The following FHOD3 variants were observed in gnomAD, a reference collection of about 807,000 sequenced individuals.
FHOD3 encodes the protein formin homology 2 domain containing 3, also known as FH1/FH2 domain-containing protein 3.
FHOD3 carries 90 observed loss-of-function variants against 173.0 expected under a neutral mutation model. That is an observed-to-expected ratio of 0.52 (90% CI 0.44 to 0.62). The LOEUF (loss-of-function observed/expected upper bound fraction) is 0.62. Ranked by LOEUF, FHOD3 falls within the 20% of genes least tolerant of loss-of-function variation. FHOD3 has a pLI of 0.00. For synonymous variants in FHOD3, 828 were observed against 823.0 expected, an observed-to-expected ratio of 1.01 and a Z score of -0.10; for missense variants, 1,945 against 2,034.7, an observed-to-expected ratio of 0.96 and a Z score of 0.85.
At chr18:36,618,312 T>TTG (rs2033406594) in intron 9 of FHOD3, among the ~76,000 whole-genome samples, 1 of 14,264 alleles carries the variant, frequency 7.0e-5, no homozygotes, top group Non-Finnish European at 1.9e-4. Flanking sequence ...TTTTTGGTGG[T>TTG]TTTTTTTTTT....
chr18:36,376,759 G>A (rs953864983), intron 3 of FHOD3, among the ~76,000 whole-genome samples: 1 of 152,196 alleles, frequency 6.6e-6, no homozygotes, highest in Non-Finnish European at 1.5e-5. Flanking sequence ...AATTTGCAAG[G>A]CATTTTTCTC....
chr18:36,599,675 G>A (rs542688841), intron 7 of FHOD3, among the ~76,000 whole-genome samples: 1 of 152,164 alleles, frequency 6.6e-6, no homozygotes, highest in Admixed American at 6.5e-5. Context: ...AAGTAAGAGG[G>A]GAGAAGTATT....
chr18:36,749,538 C>T lies in FHOD3; in HGVS notation c.4232+2403C>T, dbSNP rs563599040. 9.8e-5 allele frequency among the ~76,000 whole-genome samples: 15 copies of T among 152,310 alleles called. No individual in the cohort carries two copies. The South Asian group carries it at 1.7e-3, about 17-fold the overall frequency. ...TCTTTCTTATGGATGTATAGTGTTT[C>T]GTGGTGTATATGTACCACATTTTTT... is the stretch of plus-strand genomic sequence containing the variant. On this transcript the variant is annotated intron_variant, in intron 24 of 28. Coordinates refer to ENST00000590592, the MANE Select transcript of FHOD3 (RefSeq NM_001281740.3).
intron 20 of FHOD3, among the ~76,000 whole-genome samples, chr18:36,737,887 G>C (rs2041718009): frequency 1.3e-5 from 2 of 152,098 alleles, no homozygotes; most frequent in Non-Finnish European, 2.9e-5. Context: ...TTTGGTATAT[G>C]GTTCTCTTGA....
At chr18:36,654,326 T>C (rs1198042523) in intron 13 of FHOD3, among the ~76,000 whole-genome samples, 1 of 152,252 alleles carries the variant, frequency 6.6e-6, no homozygotes, top group Non-Finnish European at 1.5e-5. Context: ...AGATCTATGA[T>C]CGTTAACAAT....
chr18:36,647,103 ATGG>A (rs1170836818), intron 10 of FHOD3, among the ~76,000 whole-genome samples: 2 of 152,066 alleles, frequency 1.3e-5, no homozygotes, highest in Non-Finnish European at 2.9e-5. Flanking sequence ...TTAGCTGGGC[ATGG>A]TGGTGGGTGC....
chr18:36,360,035 C>T (rs960099140), intron 2 of FHOD3, among the ~76,000 whole-genome samples: 10 of 152,188 alleles, frequency 6.6e-5, no homozygotes, highest in African/African-American at 2.4e-4. Context: ...TGGAGGTTTG[C>T]CCACAGGGCT....
At chr18:36,493,366 A>G (rs1278534459) in intron 3 of FHOD3, among the ~76,000 whole-genome samples, 1 of 152,164 alleles carries the variant, frequency 6.6e-6, no homozygotes, top group Non-Finnish European at 1.5e-5. Context: ...TCTTGAAAAC[A>G]TCAGCAGGTA....
chr18:36,381,878 G>A (rs1459076970), intron 3 of FHOD3, among the ~76,000 whole-genome samples: 3 of 152,212 alleles, frequency 2.0e-5, no homozygotes, highest in Non-Finnish European at 2.9e-5. Flanking sequence ...CCTCAAAGGA[G>A]TGGGAAGAAT....
chr18:36,740,352 ATAT>A (rs2150036969), intron 20 of FHOD3, among the ~76,000 whole-genome samples: 1 of 152,304 alleles, frequency 6.6e-6, no homozygotes, highest in African/African-American at 2.4e-5. Context: ...GCTACAAAGC[ATAT>A]CTTTTTTACA....
At chr18:36,601,387 G>A (rs2031360781) in intron 7 of FHOD3, among the ~76,000 whole-genome samples, 1 of 152,142 alleles carries the variant, frequency 6.6e-6, no homozygotes, top group African/African-American at 2.4e-5. Flanking sequence ...CTTAAATCCT[G>A]TCTTCTCTGC....
At chr18:36,540,494 A>G (rs780543482) in intron 5 of FHOD3, among the ~76,000 whole-genome samples, 45 of 152,172 alleles carry the variant, frequency 3.0e-4, no homozygotes, top group Admixed American at 1.5e-3. Flanking sequence ...AATGCCACTT[A>G]GCACTCCTAG....
At chr18:36,734,056 G>C (rs1033328574) in intron 20 of FHOD3, among the ~76,000 whole-genome samples, 2 of 152,116 alleles carry the variant, frequency 1.3e-5, no homozygotes, top group African/African-American at 4.8e-5. Flanking sequence ...CATGTATGCA[G>C]CAGCGCAGCC....
At chr18:36,377,770 C>G (rs1219458448) in intron 3 of FHOD3, among the ~76,000 whole-genome samples, 1 of 152,210 alleles carries the variant, frequency 6.6e-6, no homozygotes, top group African/African-American at 2.4e-5. Context: ...AGAAAGGGAG[C>G]TGGCTGCTCC....
chr18:36,643,536 AATT>A (rs1225284605), intron 10 of FHOD3, among the ~76,000 whole-genome samples: 3 of 152,174 alleles, frequency 2.0e-5, no homozygotes, highest in African/African-American at 7.2e-5. Flanking sequence ...AGATAGTGTT[AATT>A]ATTTTGCCAG....
At chr18:36,503,625 G>A (rs2055149932) in intron 4 of FHOD3, among the ~76,000 whole-genome samples, 1 of 152,202 alleles carries the variant, frequency 6.6e-6, no homozygotes, top group Non-Finnish European at 1.5e-5. Flanking sequence ...ATGCCTTGGG[G>A]TTTAGAGGTC....
Position 36,730,747 on chromosome 18 carries a change from G to A in FHOD3, c.3519G>A (p.Thr1173=), listed in dbSNP as rs761308025. 2.4e-5 allele frequency: 38 copies of A among 1,614,038 alleles called. No individual in the cohort carries two copies. The highest frequency in any genetic ancestry group is 4.5e-5 in the East Asian group (2 of 44,890). ...TGACGGTGCTGCCCCCTCCAAGGAC[G>A]ATTAAGATCGCCATTTTGAATTTTG... ...IGLTVLPPPR[T]IKIAILNFDE... Residue 1173 remains threonine (T), a synonymous_variant, in exon 20 of 29, where the codon ACG becomes ACA. Transcript: ENST00000590592.
intron 1 of FHOD3, among the ~76,000 whole-genome samples, chr18:36,347,446 T>G (rs1210637664): frequency 6.6e-6 from 1 of 152,218 alleles, no homozygotes; most frequent in East Asian, 1.9e-4. Context: ...ACTCTTTTGT[T>G]GACTTAAATA....
At chr18:36,348,193 C>G (rs947578891) in intron 1 of FHOD3, among the ~76,000 whole-genome samples, 1 of 152,186 alleles carries the variant, frequency 6.6e-6, no homozygotes, top group Non-Finnish European at 1.5e-5. Flanking sequence ...TGTCTCTGCT[C>G]CATTTAAAAG....
Sources: allele counts gnomAD v4.1 joint callset (sites outside exome capture counted in the v4.1 genomes callset), GRCh38; gene constraint gnomAD v4.1.1; transcripts MANE v1.5; gene names NCBI Gene and HGNC (gene_info 2026-07-23, HGNC 2026-07-21).